Variants in ST7 observed in about 807,000 individuals in gnomAD.
ST7 encodes suppressor of tumorigenicity 7 protein.
A neutral mutation model predicts 78.7 loss-of-function variants in ST7; 28 were observed. That is an observed-to-expected ratio of 0.36 (90% CI 0.26 to 0.49). The LOEUF is 0.49. Ranked by LOEUF, ST7 falls within the 20% of genes least tolerant of loss-of-function variation. The pLI is 0.99. For synonymous variants in ST7, 247 were observed against 249.6 expected, an observed-to-expected ratio of 0.99 and a Z score of 0.10; for missense variants, 418 against 696.0, an observed-to-expected ratio of 0.60 and a Z score of 4.49.
chr7:116,973,559 C>G (rs1793546461), intron 1 of ST7, among the ~76,000 whole-genome samples: 1 of 152,192 alleles, frequency 6.6e-6, no homozygotes, highest in African/African-American at 2.4e-5. Context: ...CCTGGCCTCT[C>G]TGTTTTTAAA....
chr7:117,036,882 AG>A (rs767457109), intron 1 of ST7, among the ~76,000 whole-genome samples: 43 of 152,266 alleles, frequency 2.8e-4, no homozygotes, highest in Middle Eastern at 6.8e-3. Context: ...TAGGGGTATG[AG>A]TAGGTGTGAT....
chr7:117,179,797 G>A (rs1808613284), intron 10 of ST7, among the ~76,000 whole-genome samples: 1 of 152,012 alleles, frequency 6.6e-6, no homozygotes, highest in East Asian at 1.9e-4. Flanking sequence ...GGCTTCAGTC[G>A]AGCCCAGAGT....
At chr7:117,200,344 T>C (rs1031275077) in intron 12 of ST7, among the ~76,000 whole-genome samples, 16 of 151,970 alleles carry the variant, frequency 1.1e-4, no homozygotes, top group African/African-American at 3.9e-4. Context: ...ATCCCAAGTT[T>C]TTGAGGTCCC....
chr7:117,031,127 C>T (rs1376914319), intron 1 of ST7, among the ~76,000 whole-genome samples: 4 of 151,582 alleles, frequency 2.6e-5, no homozygotes, highest in African/African-American at 7.3e-5. Context: ...TTAAGTGGGA[C>T]GTAAATAATG....
intron 15 of ST7, chr7:117,223,007 C>A (rs1584640092): frequency 1.3e-6 from 2 of 1,498,942 alleles, no homozygotes; most frequent in East Asian, 2.3e-5. Context: ...CCCCCACCAC[C>A]AAAACTGCTC....
intron 1 of ST7, among the ~76,000 whole-genome samples, chr7:117,002,072 A>G (rs1794957829): frequency 6.6e-6 from 1 of 151,872 alleles, no homozygotes; most frequent in African/African-American, 2.4e-5. Flanking sequence ...TAAAAATACA[A>G]AAAAATGTAG....
intron 3 of ST7, among the ~76,000 whole-genome samples, chr7:117,122,007 G>A (rs1018555232): frequency 6.6e-6 from 1 of 152,024 alleles, no homozygotes; most frequent in Non-Finnish European, 1.5e-5. Flanking sequence ...ATGCAATTTT[G>A]TAAGTGTTGC....
chr7:117,076,015 C>A (rs1799312603), intron 1 of ST7, among the ~76,000 whole-genome samples: 1 of 152,182 alleles, frequency 6.6e-6, no homozygotes, highest in African/African-American at 2.4e-5. Context: ...CTTTGCCCCT[C>A]CCAACTTCCT....
intron 1 of ST7, among the ~76,000 whole-genome samples, chr7:117,039,957 A>G (rs75412253): frequency 0.013 from 1,992 of 152,346 alleles, 17 homozygotes; most frequent in South Asian, 0.019. Flanking sequence ...AGAAGAGCCC[A>G]AGAAGAGCCA....
rs189382473 is a variant in ST7 at position 117,189,432 on chromosome 7, C to T, written c.1151+39C>T. On this transcript the variant is annotated intron_variant, in intron 11 of 15. Coordinates refer to ENST00000323984, the MANE Select transcript of ST7 (RefSeq NM_001369598.1). ...AGTTTGCGCGGTACTAATGCCTGAC[C>T]GGAATTGAGATGTGTTGCCTCTGAG... The T allele has an allele frequency of 2.1e-5, 31 of 1,500,368 alleles. No homozygotes were observed. In the East Asian group the frequency reaches 3.1e-4, roughly 15 times the overall value. 92.9% of individuals were successfully genotyped at this position (1,500,368 alleles called of 1,614,324 possible).
intron 1 of ST7, among the ~76,000 whole-genome samples, chr7:117,047,912 C>G (rs569881634): frequency 6.6e-6 from 1 of 152,032 alleles, no homozygotes; most frequent in Non-Finnish European, 1.5e-5. Flanking sequence ...GGATGCTAAC[C>G]CATGTGCAGT....
At chr7:117,112,907 G>C (rs1393050548) in intron 2 of ST7, among the ~76,000 whole-genome samples, 1 of 152,190 alleles carries the variant, frequency 6.6e-6, no homozygotes. Flanking sequence ...TGTTCACCAC[G>C]GAAGTAAATG....
chr7:117,188,310 G>A (rs1809447381), intron 10 of ST7, among the ~76,000 whole-genome samples: 2 of 152,216 alleles, frequency 1.3e-5, no homozygotes, highest in South Asian at 2.1e-4. Flanking sequence ...AAAGAAACTC[G>A]CAGGGCATTC....
intron 1 of ST7, among the ~76,000 whole-genome samples, chr7:117,018,077 T>C (rs894624490): frequency 2.6e-5 from 4 of 152,166 alleles, no homozygotes; most frequent in Admixed American, 2.6e-4. Context: ...CCCTCTCATG[T>C]ATGAGCCAAC....
intron 1 of ST7, among the ~76,000 whole-genome samples, chr7:117,047,343 A>C (rs1797542460): frequency 6.6e-6 from 1 of 152,196 alleles, no homozygotes; most frequent in Admixed American, 6.5e-5. Flanking sequence ...GTGTTTCTTC[A>C]GAACGACTTA....
intron 1 of ST7, among the ~76,000 whole-genome samples, chr7:117,079,281 A>G (rs571571940): frequency 2.0e-5 from 3 of 152,332 alleles, no homozygotes; most frequent in African/African-American, 7.2e-5. Context: ...AGCAAATACT[A>G]TGACATTTTA....
At chr7:117,174,992 A>C (rs545722734) in intron 10 of ST7, among the ~76,000 whole-genome samples, 10 of 152,342 alleles carry the variant, frequency 6.6e-5, no homozygotes, top group African/African-American at 2.4e-4. Context: ...GGTGGGCTGA[A>C]GCCATGGTGC....
At position 117,098,195 on chromosome 7, in the gene ST7, G is replaced by A. The variant is rs541540645; in HGVS notation, c.152-1567G>A. ...GATGCTTGGGTGGCACGAAAGAATG[G>A]AACCAGTGTACCCTTCAACATCCAT... is the stretch of plus-strand genomic sequence containing the variant. On this transcript the variant is annotated intron_variant, in intron 1 of 15. Transcript: ENST00000323984. Among the ~76,000 whole-genome samples, 7 of 151,732 alleles carry A rather than the reference G, an allele frequency of 4.6e-5. No homozygotes were observed. The South Asian group carries it at 1.5e-3, about 32-fold the overall frequency.
chr7:117,116,944 G>A (rs536037069), intron 2 of ST7, among the ~76,000 whole-genome samples: 1 of 152,282 alleles, frequency 6.6e-6, no homozygotes, highest in South Asian at 2.1e-4. Flanking sequence ...AACTAGGAAA[G>A]CACAGAGGGA....
Sources: gnomAD v4.1 joint callset for allele counts (sites outside exome capture counted in the v4.1 genomes callset) on GRCh38, gnomAD v4.1.1 for gene constraint, MANE v1.5 for transcripts, NCBI Gene and HGNC (gene_info 2026-07-23, HGNC 2026-07-21) for gene names.